The following SETX variants were observed in gnomAD, a reference collection of about 807,000 sequenced individuals.
SETX encodes senataxin.
Under a neutral mutation model 227.2 loss-of-function variants are expected in SETX, and 90 were observed. The ratio of observed to expected loss-of-function variants is 0.40; its 90% confidence interval spans 0.33 to 0.47. SETX has a LOEUF of 0.47. Ranked by LOEUF, SETX falls within the 20% of genes least tolerant of loss-of-function variation. The pLI is 0.91. For missense variants in SETX, 3,052 were observed against 3,181.5 expected (o/e 0.96, Z 0.98); for synonymous variants, 1,210 against 1,113.2 (o/e 1.09, Z -1.73).
chr9:132,324,091 C>G (rs1316989328), intron 10 of SETX, among the ~76,000 whole-genome samples: 1 of 152,010 alleles, frequency 6.6e-6, no homozygotes, highest in East Asian at 1.9e-4. Context: ...TTTTAAAAAG[C>G]TGAGACTACA....
At chr9:132,305,345 C>T (rs1354579871) in intron 11 of SETX, among the ~76,000 whole-genome samples, 2 of 129,132 alleles carry the variant, frequency 1.5e-5, no homozygotes, top group Non-Finnish European at 3.1e-5. Context: ...CAGAGCAAGA[C>T]TCCGTCTCAA....
chr9:132,338,750 A>G (rs1847790735), intron 5 of SETX, among the ~76,000 whole-genome samples: 1 of 152,030 alleles, frequency 6.6e-6, no homozygotes, highest in Admixed American at 6.6e-5. Flanking sequence ...TAATATGATT[A>G]TCTTCAATTT....
chr9:132,347,021 G>A (rs1023511094), intron 3 of SETX, among the ~76,000 whole-genome samples: 4 of 152,102 alleles, frequency 2.6e-5, no homozygotes, highest in African/African-American at 9.7e-5. Context: ...TTGAGAGGCT[G>A]AGGTGGGCGG....
In SETX at chr9:132,327,630, C is replaced by A; in HGVS notation, c.3968G>T (p.Arg1323Leu). Residue 1323 changes from arginine (R) to leucine (L), a missense_variant, in exon 10 of 26, where the codon CGA becomes CTA. Arg to Leu is a moderately radical substitution (Grantham distance 102, BLOSUM62 -2). Coordinates refer to ENST00000224140, the MANE Select transcript of SETX (RefSeq NM_015046.7). ...HGKTVGVVDTRKKTKLISPQN... is the reference protein window; with the variant it reads ...HGKTVGVVDTLKKTKLISPQN... ...AGGAGAAATTAATTTAGTCTTTTTT[C>A]GGGTATCAACTACTCCAACAGTTTT... The A allele has an allele frequency of 6.2e-7, 1 of 1,613,834 alleles. No homozygotes were observed. The highest frequency in any genetic ancestry group is 8.5e-7 in the Non-Finnish European group (1 of 1,179,958).
At chr9:132,337,904 G>C (rs765662285) in intron 5 of SETX, among the ~76,000 whole-genome samples, 1 of 152,096 alleles carries the variant, frequency 6.6e-6, no homozygotes, top group Non-Finnish European at 1.5e-5. Context: ...AGAGAAATGG[G>C]ACAGCACCTT....
intron 17 of SETX, among the ~76,000 whole-genome samples, chr9:132,287,817 T>G (rs953806980): frequency 1.3e-5 from 2 of 149,466 alleles, no homozygotes; most frequent in Non-Finnish European, 3.0e-5. Flanking sequence ...ACATTTTTAG[T>G]GTCTTAGTAC....
At chr9:132,315,015 C>G (rs1424207037) in intron 10 of SETX, among the ~76,000 whole-genome samples, 1 of 148,392 alleles carries the variant, frequency 6.7e-6, no homozygotes, top group Admixed American at 6.8e-5. Flanking sequence ...CGGGTTCAAG[C>G]AATTCTCCTG....
chr9:132,264,722 T>G lies in SETX; in HGVS notation c.7551A>C (p.Glu2517Asp). The G allele has an allele frequency of 6.2e-7, 1 of 1,614,174 alleles. No homozygotes were observed. The highest frequency in any genetic ancestry group is 8.5e-7 in the Non-Finnish European group (1 of 1,180,026). ...CCTTTGAAGTAACAGTAAGAGTAATTTCCTTGGAGTCAGAGGGTGTGTGGT... is the reference window on the plus strand; with the variant it reads ...CCTTTGAAGTAACAGTAAGAGTAATGTCCTTGGAGTCAGAGGGTGTGTGGT... ...SLYHTPSDSK[E>D]ITLTVTSKDP... is the part of the protein sequence containing the mutation. The change falls in exon 26 of 26, where the codon GAA (glutamate) becomes GAC (aspartate). Residue 2517 changes from glutamate to aspartate, a missense_variant. Physicochemically the swap from Glu to Asp is conservative, Grantham distance 45. Coordinates refer to ENST00000224140, the MANE Select transcript of SETX (RefSeq NM_015046.7).
chr9:132,303,186 T>G (rs1473263497), intron 11 of SETX, among the ~76,000 whole-genome samples: 1 of 150,140 alleles, frequency 6.7e-6, no homozygotes, highest in Non-Finnish European at 1.5e-5. Flanking sequence ...CTCAGCTAAT[T>G]TTTTTTTTTA....
Position 132,327,410 on chromosome 9 carries a change from A to G in SETX, c.4188T>C (p.Tyr1396=). The change falls in exon 10 of 26, where the codon TAT becomes TAC. Residue 1396 remains tyrosine, a synonymous_variant. Coordinates refer to ENST00000224140, the MANE Select transcript of SETX (RefSeq NM_015046.7). ...GTACCTCAGTTCCTCCTGTACAATT[A>G]TAATCTGACCTATCAGATTCTGGTA... ...IFVPESDRSD[Y]NCTGGTEVLA... 2 of 1,614,208 alleles carry G rather than the reference A, an allele frequency of 1.2e-6. No individual in the cohort carries two copies. Among genetic ancestry groups the G allele is most frequent in the Non-Finnish European group, 1.7e-6 (2 of 1,180,028 alleles).
intron 15 of SETX, among the ~76,000 whole-genome samples, chr9:132,295,074 T>C (rs917122580): frequency 7.2e-5 from 11 of 152,202 alleles, no homozygotes; most frequent in African/African-American, 1.9e-4. Context: ...GCCATAACTA[T>C]ACCACTCAAC....
chr9:132,286,497 G>A lies in SETX; in HGVS notation c.6325-3C>T. ...ATGTTTTCATCTAATTCTTGCCTCT[G>A]GAAAAAAATTCAAATGTCACAATTA... On this transcript the variant is annotated splice_region_variant and splice_polypyrimidine_tract_variant and intron_variant, in intron 17 of 25. Transcript: ENST00000224140. 6.2e-7 allele frequency: 1 copy of A among 1,610,894 alleles called. No individual in the cohort carries two copies. The highest frequency in any genetic ancestry group is 8.5e-7 in the Non-Finnish European group (1 of 1,177,596).
intron 12 of SETX, among the ~76,000 whole-genome samples, chr9:132,299,423 GCA>G (rs1298092031): frequency 6.6e-6 from 1 of 152,150 alleles, no homozygotes; most frequent in African/African-American, 2.4e-5. Context: ...AGAGCCAAAA[GCA>G]CAGAGTAAGC....
chr9:132,265,991 TC>T (rs1842629410), intron 25 of SETX: 1 of 152,126 alleles, frequency 6.6e-6, no homozygotes, highest in African/African-American at 2.4e-5. Flanking sequence ...AGATATTAAA[TC>T]CCATCGGGAA....
At position 132,261,690 on chromosome 9, in the gene SETX, G is replaced by A. The variant is rs938734736; in HGVS notation, c.*2549C>T. 1 of 153,176 alleles carries A rather than the reference G, an allele frequency of 6.5e-6. No individual in the cohort carries two copies. The highest frequency in any genetic ancestry group is 1.5e-5 in the Non-Finnish European group (1 of 68,212). The allele number at this position is 153,176 out of a possible 1,614,324, so 9.5% of individuals were successfully genotyped here. A position where few individuals can be genotyped will look rare whatever the true frequency, so the allele number is the denominator to read the frequency against. On this transcript the variant is annotated 3_prime_UTR_variant, in exon 26 of 26. Transcript: ENST00000224140. ...TTGTTATAAAATTCATTTACAGGAG[G>A]TTATTCACATGTACTTGTCAAATTT...
chr9:132,311,484 A>C (rs1170970783), intron 11 of SETX, among the ~76,000 whole-genome samples: 1 of 151,978 alleles, frequency 6.6e-6, no homozygotes, highest in Non-Finnish European at 1.5e-5. Context: ...ACCCCCACCA[A>C]ATCCCTCCAC....
At chr9:132,309,889 T>A (rs959688411) in intron 11 of SETX, among the ~76,000 whole-genome samples, 1 of 152,134 alleles carries the variant, frequency 6.6e-6, no homozygotes, top group African/African-American at 2.4e-5. Flanking sequence ...GATTTCTTAC[T>A]CTTCATTTAA....
At chr9:132,339,757 C>A (rs1388092230) in intron 5 of SETX, among the ~76,000 whole-genome samples, 1 of 152,080 alleles carries the variant, frequency 6.6e-6, no homozygotes, top group Non-Finnish European at 1.5e-5. Flanking sequence ...GGACTACAGG[C>A]ACACACCACC....
Position 132,329,698 on chromosome 9 carries a change from C to A in SETX, c.1900G>T (p.Asp634Tyr). The A allele has an allele frequency of 6.2e-7, 1 of 1,614,078 alleles. No individual in the cohort carries two copies. The highest frequency in any genetic ancestry group is 8.5e-7 in the Non-Finnish European group (1 of 1,180,012). The part of the protein sequence containing the change: ...SEQMGKTSRK[D>Y]MHCLEASSPT... ...CTGGAAGCTTCCAAACAATGCATAT[C>A]TTTTCTAGACGTCTTCCCCATTTGT... The change falls in exon 10 of 26, where the codon GAT (aspartate) becomes TAT (tyrosine). Residue 634 changes from aspartate (D) to tyrosine (Y), a missense_variant. By Grantham distance (160) the Asp-to-Tyr change is radical. Coordinates refer to ENST00000224140, the MANE Select transcript of SETX (RefSeq NM_015046.7).
Sources: allele counts gnomAD v4.1 joint callset (sites outside exome capture counted in the v4.1 genomes callset), GRCh38; gene constraint gnomAD v4.1.1; transcripts MANE v1.5; gene names NCBI Gene and HGNC (gene_info 2026-07-23, HGNC 2026-07-21).